The following CHRNB3 variants were observed in gnomAD, a reference collection of about 807,000 sequenced individuals.
The protein encoded by CHRNB3 is cholinergic receptor nicotinic beta 3 subunit.
Under a neutral mutation model 40.6 loss-of-function variants are expected in CHRNB3, and 37 were observed. That is an observed-to-expected ratio of 0.91 (90% CI 0.70 to 1.20). The LOEUF (loss-of-function observed/expected upper bound fraction) is 1.20. Among genes scored for constraint, CHRNB3 ranks in the 50% most tolerant of loss-of-function variants. CHRNB3 has a pLI of 0.00. For missense variants in CHRNB3, 505 were observed against 551.2 expected (o/e 0.92, Z 0.84); for synonymous variants, 207 against 207.1 (o/e 1.00, Z 0.00).
chr8:42,735,247 A>G (rs958270584), intron 5 of CHRNB3, among the ~76,000 whole-genome samples: 2 of 146,706 alleles, frequency 1.4e-5, no homozygotes, highest in African/African-American at 5.1e-5. Flanking sequence ...ACAAAAAAAC[A>G]CTAATACAGG....
intron 3 of CHRNB3, among the ~76,000 whole-genome samples, chr8:42,712,403 AG>A (rs1816031652): frequency 6.6e-6 from 1 of 152,204 alleles, no homozygotes. Flanking sequence ...AGAAACAGCA[AG>A]GAGCTTCCCC....
At chr8:42,714,311 C>A (rs534352463) in intron 3 of CHRNB3, among the ~76,000 whole-genome samples, 3 of 151,718 alleles carry the variant, frequency 2.0e-5, no homozygotes, top group African/African-American at 7.3e-5. Context: ...CTGGCTAACA[C>A]GGTGAAACCC....
rs1327510365 is a variant in CHRNB3 at position 42,703,436 on chromosome 8, ATATTTATAT to A, written c.53-5280_53-5272del. On this transcript the variant is annotated intron_variant, in intron 1 of 5. Coordinates refer to ENST00000289957, the MANE Select transcript of CHRNB3 (RefSeq NM_000749.5). ...AAGACTTCGTCTAAAAAAAAAAAAA[ATATTTATAT>A]ATATATATATATATATGTATCCACA... Among the ~76,000 whole-genome samples, 4 of 43,458 alleles carry A rather than the reference ATATTTATAT, an allele frequency of 9.2e-5. 1 individual carries two copies. The highest frequency in any genetic ancestry group is 5.0e-4 in the Admixed American group (2 of 4,022). The allele number at this position is 43,458 out of a possible 152,430, so 28.5% of individuals were successfully genotyped here.
intron 3 of CHRNB3, among the ~76,000 whole-genome samples, chr8:42,714,047 T>G (rs559680229): frequency 6.6e-6 from 1 of 152,356 alleles, no homozygotes; most frequent in South Asian, 2.1e-4. Context: ...TGGGAAATGT[T>G]ACAGTGGATA....
At chr8:42,711,250 C>CA (rs1229378093) in intron 3 of CHRNB3, among the ~76,000 whole-genome samples, 1 of 151,968 alleles carries the variant, frequency 6.6e-6, no homozygotes, top group East Asian at 1.9e-4. Flanking sequence ...GCAGAGGCTG[C>CA]AGTGAGCCAA....
rs746544371 is a variant in CHRNB3 at position 42,731,704 on chromosome 8, G to A, written c.397G>A (p.Val133Ile). 1 of 1,613,524 alleles carries A rather than the reference G, an allele frequency of 6.2e-7. No individual in the cohort carries two copies. Among genetic ancestry groups the A allele is most frequent in the East Asian group, 2.2e-5 (1 of 44,886 alleles). The change falls in exon 5 of 6, where the codon GTC becomes ATC. Residue 133 changes from valine to isoleucine, a missense_variant. By Grantham distance (29) the Val-to-Ile change is conservative. Transcript: ENST00000289957. ...CTTCGAAGGCTCCCTGATGACCAAGGTCATCGTGAAATCAAACGGAACTGT... is the reference window on the plus strand; with the variant it reads ...CTTCGAAGGCTCCCTGATGACCAAGATCATCGTGAAATCAAACGGAACTGT... ...GRFEGSLMTK[V>I]IVKSNGTVVW...
chr8:42,731,767 A>C lies in CHRNB3; in HGVS notation c.460A>C (p.Thr154Pro), dbSNP rs1816426416. Residue 154 changes from threonine (T) to proline (P), a missense_variant, in exon 5 of 6, where the codon ACC becomes CCC. Thr to Pro is a conservative substitution (Grantham distance 38). Coordinates refer to ENST00000289957, the MANE Select transcript of CHRNB3 (RefSeq NM_000749.5). ...TCCCGCCAGCTACAAAAGCTCCTGC[A>C]CCATGGACGTCACGTTTTTCCCGTT... Reference protein sequence around the residue: ...TPPASYKSSCTMDVTFFPFDR... With the variant: ...TPPASYKSSCPMDVTFFPFDR... 6.2e-7 allele frequency: 1 copy of C among 1,613,964 alleles called. No homozygotes were observed. Among genetic ancestry groups the C allele is most frequent in the Non-Finnish European group, 8.5e-7 (1 of 1,180,028 alleles).
intron 1 of CHRNB3, 133 bp downstream of exon 1, chr8:42,697,731 T>C: frequency 1.5e-6 from 1 of 657,904 alleles, no homozygotes; most frequent in Non-Finnish European, 2.6e-6. Flanking sequence ...ACCTTTAAAA[T>C]GTGGCCCAAA....
At chr8:42,732,677 C>A (rs1404802375) in intron 5 of CHRNB3, 128 bp downstream of exon 5, 3 of 873,888 alleles carry the variant, frequency 3.4e-6, no homozygotes, top group African/African-American at 1.7e-5. Flanking sequence ...GCTTTTTATA[C>A]ATATAACATT....
intron 3 of CHRNB3, among the ~76,000 whole-genome samples, chr8:42,716,463 G>A (rs1816107321): frequency 6.6e-6 from 1 of 152,122 alleles, no homozygotes; most frequent in Non-Finnish European, 1.5e-5. Flanking sequence ...CTTCACCGAG[G>A]AAAGAACTCA....
chr8:42,711,040 T>C (rs1816006273), intron 3 of CHRNB3, among the ~76,000 whole-genome samples: 1 of 152,254 alleles, frequency 6.6e-6, no homozygotes, highest in Non-Finnish European at 1.5e-5. Context: ...TTAGCTTGGC[T>C]AGAGCTTATT....
rs184542351 is a variant in CHRNB3, at chr8:42,736,378, A to T, written c.1243-106A>T. ...GACATTAGATGCATTTTGAAAACTT[A>T]AGTAAATGCTATAAATCTGAATGTT... On this transcript the variant is annotated intron_variant, in intron 5 of 5. Coordinates refer to ENST00000289957, the MANE Select transcript of CHRNB3 (RefSeq NM_000749.5). 1,366 of 1,377,700 alleles carry T rather than the reference A, an allele frequency of 9.9e-4. 20 individuals are homozygous for T. The highest frequency in any genetic ancestry group is 3.4e-3 in the Middle Eastern group (18 of 5,342). The allele number at this position is 1,377,700 out of a possible 1,614,324, so 85.3% of individuals were successfully genotyped here.
chr8:42,731,618 A>T, intron 4 of CHRNB3, 49 bp from the exon 5 acceptor site: 1 of 1,516,382 alleles, frequency 6.6e-7, no homozygotes, highest in Non-Finnish European at 8.8e-7. Flanking sequence ...AAGAACAAAA[A>T]CTAGCAGGTG....
chr8:42,731,769 C>T lies in CHRNB3; in HGVS notation c.462C>T (p.Thr154=), dbSNP rs1278375783. The change falls in exon 5 of 6, where the codon ACC becomes ACT. Residue 154 remains threonine (T), a synonymous_variant. Coordinates refer to ENST00000289957, the MANE Select transcript of CHRNB3 (RefSeq NM_000749.5). ...CCGCCAGCTACAAAAGCTCCTGCAC[C>T]ATGGACGTCACGTTTTTCCCGTTCG... is the stretch of plus-strand genomic sequence containing the variant. ...TPPASYKSSC[T]MDVTFFPFDR... 6.2e-7 allele frequency: 1 copy of T among 1,614,072 alleles called. No homozygotes were observed. The highest frequency in any genetic ancestry group is 1.1e-5 in the South Asian group (1 of 91,076).
chr8:42,708,661 C>A lies in CHRNB3; in HGVS notation c.53-56C>A, dbSNP rs1815960165. Reference sequence around the variant, plus strand: ...AAGGCCACAGGAGCCATGGGACACTCATCCAGGCATCGTGCCCCTCCCATT... The same window carrying A: ...AAGGCCACAGGAGCCATGGGACACTAATCCAGGCATCGTGCCCCTCCCATT... On this transcript the variant is annotated intron_variant, in intron 1 of 5. Transcript: ENST00000289957. The A allele has an allele frequency of 2.5e-6, 4 of 1,573,288 alleles. No homozygotes were observed. The East Asian group carries it at 9.0e-5, about 35-fold the overall frequency.
In CHRNB3 at chr8:42,703,435, A is replaced by AAAATATATATAT; in HGVS notation, c.53-5281_53-5280insAATATATATATA. Among the ~76,000 whole-genome samples the AAAATATATATAT allele has an allele frequency of 5.9e-4, 28 of 47,406 alleles. 2 individuals are homozygous for AAAATATATATAT. The highest frequency in any genetic ancestry group is 5.4e-3 in the Admixed American group (23 of 4,298). The allele number at this position is 47,406 out of a possible 152,430, so 31.1% of individuals were successfully genotyped here. The stretch of plus-strand genomic sequence containing the variant: ...CAAGACTTCGTCTAAAAAAAAAAAA[A>AAAATATATATAT]ATATTTATATATATATATATATATA... On this transcript the variant is annotated intron_variant, in intron 1 of 5. Transcript: ENST00000289957.
chr8:42,719,616 C>T (rs1372983012), intron 3 of CHRNB3, among the ~76,000 whole-genome samples: 3 of 152,122 alleles, frequency 2.0e-5, no homozygotes, highest in Non-Finnish European at 4.4e-5. Context: ...CACGGCACTC[C>T]AGCCTGGGCG....
intron 3 of CHRNB3, chr8:42,725,625 AT>A: frequency 5.2e-6 from 6 of 1,156,352 alleles, no homozygotes; most frequent in Non-Finnish European, 7.7e-6. Flanking sequence ...AGCCCACTCT[AT>A]TTTTGGTAGC....
intron 3 of CHRNB3, among the ~76,000 whole-genome samples, chr8:42,724,156 G>A (rs1816265908): frequency 6.6e-6 from 1 of 152,072 alleles, no homozygotes; most frequent in Non-Finnish European, 1.5e-5. Flanking sequence ...CAGCACATTG[G>A]GAGGCTGAGG....
Sources: gnomAD v4.1 joint callset for allele counts (sites outside exome capture counted in the v4.1 genomes callset) on GRCh38, gnomAD v4.1.1 for gene constraint, MANE v1.5 for transcripts, NCBI Gene and HGNC (gene_info 2026-07-23, HGNC 2026-07-21) for gene names.